Variants in ANKFN1 observed in about 807,000 individuals in gnomAD.
ANKFN1 encodes ankyrin repeat and fibronectin type-III domain-containing protein 1.
ANKFN1 carries 74 observed loss-of-function variants against 108.7 expected under a neutral mutation model. The observed-to-expected ratio is 0.68, with a 90% CI of 0.56 to 0.83. The LOEUF is 0.83. ANKFN1 is among the 40% of genes least tolerant of loss of function. The pLI is 0.00. For synonymous variants in ANKFN1, 547 were observed against 516.2 expected (o/e 1.06, Z -0.81); for missense variants, 1,505 against 1,382.3 (o/e 1.09, Z -1.41).
chr17:56,115,525 T>G (rs1411350734), intron 4 of ANKFN1, among the ~76,000 whole-genome samples: 1 of 152,124 alleles, frequency 6.6e-6, no homozygotes, highest in Non-Finnish European at 1.5e-5. Flanking sequence ...AATAAAACAG[T>G]AATAACCATG....
At chr17:56,452,553 G>A (rs1351414109) in intron 11 of ANKFN1, among the ~76,000 whole-genome samples, 1 of 152,102 alleles carries the variant, frequency 6.6e-6, no homozygotes, top group African/African-American at 2.4e-5. Flanking sequence ...CATAGGAGAG[G>A]GAAAAATAAC....
intron 4 of ANKFN1, among the ~76,000 whole-genome samples, chr17:56,076,569 C>T (rs2143152494): frequency 6.6e-6 from 1 of 152,268 alleles, no homozygotes; most frequent in East Asian, 1.9e-4. Context: ...ATCCACATTG[C>T]TGTGTTTGGA....
chr17:56,306,895 A>G (rs1260469856), intron 3 of ANKFN1, among the ~76,000 whole-genome samples: 1 of 152,230 alleles, frequency 6.6e-6, no homozygotes, highest in East Asian at 1.9e-4. Flanking sequence ...GACCAATGGA[A>G]CAGAACAGAG....
chr17:56,223,706 C>T (rs1916050233), intron 2 of ANKFN1, among the ~76,000 whole-genome samples: 1 of 152,148 alleles, frequency 6.6e-6, no homozygotes, highest in African/African-American at 2.4e-5. Context: ...TCAGAACCCA[C>T]AGAGACAAAA....
chr17:56,118,825 A>G lies in ANKFN1; in HGVS notation c.288+72500A>G, dbSNP rs373507432. ...GTTTACCAAGTTGACTGTTATGAGC[A>G]AAAGAGATTTGGTCTCTGTCCTTAA... On this transcript the variant is annotated intron_variant, in intron 4 of 12. Transcript: ENST00000635860. Among the ~76,000 whole-genome samples, 7 of 152,190 alleles carry G rather than the reference A, an allele frequency of 4.6e-5. No homozygotes were observed. The East Asian group carries it at 5.8e-4, about 13-fold the overall frequency.
In ANKFN1 at chr17:56,440,020, T is replaced by TA. The variant is rs1723521407; in HGVS notation, c.911-306dup. On this transcript the variant is annotated intron_variant, in intron 8 of 20. Transcript: ENST00000682825. The stretch of plus-strand genomic sequence containing the variant: ...CATGAGCAATATATTTAATATAACT[T>TA]ACATCTGACATTAAGAACATCACAT... 1.3e-5 allele frequency among the ~76,000 whole-genome samples: 2 copies of TA among 152,150 alleles called. 1 individual carries two copies. Among genetic ancestry groups the TA allele is most frequent in the South Asian group, 4.1e-4 (2 of 4,820 alleles).
chr17:56,443,054 C>A, intron 10 of ANKFN1, 121 bp downstream of exon 10: 1 of 868,152 alleles, frequency 1.2e-6, no homozygotes, highest in Non-Finnish European at 1.8e-6. Context: ...CTTCTCAGGG[C>A]AGCATCTGGG....
chr17:56,314,131 G>A (rs954963232), intron 3 of ANKFN1, among the ~76,000 whole-genome samples: 1 of 152,142 alleles, frequency 6.6e-6, no homozygotes, highest in Non-Finnish European at 1.5e-5. Flanking sequence ...TTATTGTTGA[G>A]TAATAGTCCA....
In ANKFN1 at chr17:56,396,698, C is replaced by T. The variant is rs555564818; in HGVS notation, c.910+21984C>T. On this transcript the variant is annotated intron_variant, in intron 8 of 20. Transcript: ENST00000682825. ...TTTATAGGCATTGCTTCTTCTAAAC[C>T]TCATACAGTCCTGTGGAGTAGGTAC... 3.3e-5 allele frequency among the ~76,000 whole-genome samples: 5 copies of T among 152,202 alleles called. No individual in the cohort carries two copies. In the East Asian group the frequency reaches 9.7e-4, roughly 29 times the overall value.
At chr17:56,290,529 G>T (rs1222278857) in intron 3 of ANKFN1, among the ~76,000 whole-genome samples, 1 of 152,036 alleles carries the variant, frequency 6.6e-6, no homozygotes, top group Admixed American at 6.6e-5. Flanking sequence ...TTAACATTCT[G>T]AATAATGTTA....
chr17:56,205,367 A>C (rs983613570), intron 1 of ANKFN1, among the ~76,000 whole-genome samples: 10 of 152,248 alleles, frequency 6.6e-5, no homozygotes, highest in African/African-American at 2.4e-4. Flanking sequence ...AATAATTGGG[A>C]GTTGTCAGCA....
chr17:56,481,964 A>G (rs1460120522), intron 17 of ANKFN1, among the ~76,000 whole-genome samples: 1 of 149,584 alleles, frequency 6.7e-6, no homozygotes, highest in Non-Finnish European at 1.5e-5. Context: ...TTTTTTTTGG[A>G]TACTTGTAAA....
At chr17:56,372,887 G>A in intron 7 of ANKFN1, 47 bp downstream of exon 7, 3 of 1,550,896 alleles carry the variant, frequency 1.9e-6, no homozygotes, top group Non-Finnish European at 2.6e-6. Flanking sequence ...CTGAGCCTCA[G>A]TTTGAGACAG....
intron 8 of ANKFN1, among the ~76,000 whole-genome samples, chr17:56,384,120 C>T (rs1365984673): frequency 6.6e-6 from 1 of 150,880 alleles, no homozygotes; most frequent in Non-Finnish European, 1.5e-5. Context: ...CATCAAAAAG[C>T]TTATCCACCA....
At chr17:56,196,124 C>T (rs1913483323) in intron 1 of ANKFN1, among the ~76,000 whole-genome samples, 1 of 151,998 alleles carries the variant, frequency 6.6e-6, no homozygotes, top group Non-Finnish European at 1.5e-5. Flanking sequence ...AAAAATTAAC[C>T]AAGTATGGTG....
chr17:56,319,129 C>T (rs1203270059), intron 3 of ANKFN1, among the ~76,000 whole-genome samples: 2 of 152,112 alleles, frequency 1.3e-5, no homozygotes, highest in South Asian at 4.1e-4. Flanking sequence ...ATTGAGTAGT[C>T]ATTTATCCTT....
At chr17:56,319,894 A>G (rs1410308681) in intron 3 of ANKFN1, among the ~76,000 whole-genome samples, 6 of 152,148 alleles carry the variant, frequency 3.9e-5, no homozygotes, top group Admixed American at 3.9e-4. Context: ...ATGTAAAACA[A>G]CTAACGAAAT....
chr17:56,063,172 G>A (rs1905005664), intron 4 of ANKFN1, among the ~76,000 whole-genome samples: 1 of 152,072 alleles, frequency 6.6e-6, no homozygotes, highest in Admixed American at 6.5e-5. Context: ...TTCTCAGGCT[G>A]CCCTTAACAT....
chr17:56,430,647 A>G (rs548603443), intron 8 of ANKFN1, among the ~76,000 whole-genome samples: 1 of 152,260 alleles, frequency 6.6e-6, no homozygotes, highest in African/African-American at 2.4e-5. Flanking sequence ...AATGTAAAGG[A>G]AAATAAAATT....
Sources: gnomAD v4.1 joint callset for allele counts (sites outside exome capture counted in the v4.1 genomes callset) on GRCh38, gnomAD v4.1.1 for gene constraint, MANE v1.5 for transcripts, NCBI Gene and HGNC (gene_info 2026-07-23, HGNC 2026-07-21) for gene names.